The following SOX6 variants were observed in gnomAD, a reference collection of about 807,000 sequenced individuals.
SOX6 encodes the protein transcription factor SOX-6.
Under a neutral mutation model 97.8 loss-of-function variants are expected in SOX6, and 11 were observed. The observed-to-expected ratio is 0.11, with a 90% CI of 0.07 to 0.19. SOX6 has a LOEUF of 0.19. Ranked by LOEUF, SOX6 falls within the 10% of genes least tolerant of loss-of-function variation. The probability of loss-of-function intolerance (pLI) is 1.00; values close to 1 mark genes in which losing one functional copy is unlikely to be tolerated. For synonymous variants in SOX6, 360 were observed against 371.4 expected (o/e 0.97, Z 0.35); for missense variants, 810 against 1,039.5 (o/e 0.78, Z 3.04).
chr11:16,191,451 T>C (rs1300036712), intron 4 of SOX6, among the ~76,000 whole-genome samples: 2 of 152,022 alleles, frequency 1.3e-5, no homozygotes, highest in Non-Finnish European at 1.5e-5. Context: ...GAAGAGACTA[T>C]CTCTCAAAAA....
chr11:16,515,869 G>T (rs1362122441), intron 4 of SOX6, among the ~76,000 whole-genome samples: 11 of 116,928 alleles, frequency 9.4e-5, no homozygotes, highest in Non-Finnish European at 1.8e-4. Context: ...GATATGCGGC[G>T]TTATTTCTGA....
chr11:16,473,896 C>A (rs138996066), intron 1 of SOX6, among the ~76,000 whole-genome samples: 1 of 152,292 alleles, frequency 6.6e-6, no homozygotes, highest in Admixed American at 6.5e-5. Context: ...TAGCATTTTA[C>A]CCACAGCAGA....
intron 4 of SOX6, among the ~76,000 whole-genome samples, chr11:16,493,639 T>C (rs1307039346): frequency 6.6e-6 from 1 of 152,196 alleles, no homozygotes; most frequent in Non-Finnish European, 1.5e-5. Context: ...TTGGGTATTA[T>C]ATTCTATAAT....
chr11:16,459,054 A>C (rs2133104194), intron 1 of SOX6, among the ~76,000 whole-genome samples: 1 of 152,180 alleles, frequency 6.6e-6, no homozygotes, highest in Non-Finnish European at 1.5e-5. Flanking sequence ...ATATGAAGAA[A>C]CTAACCAAGG....
At chr11:16,554,025 G>C (rs143342702) in intron 4 of SOX6, among the ~76,000 whole-genome samples, 1 of 152,168 alleles carries the variant, frequency 6.6e-6, no homozygotes, top group African/African-American at 2.4e-5. Flanking sequence ...GGGGTACTCA[G>C]TCCATTCAAA....
intron 4 of SOX6, among the ~76,000 whole-genome samples, chr11:16,228,457 G>C (rs1413577075): frequency 6.6e-6 from 1 of 152,102 alleles, no homozygotes; most frequent in Admixed American, 6.6e-5. Context: ...AGGGAGTTAA[G>C]GAGAGATTTT....
At chr11:16,384,682 G>A (rs1028573548) in intron 1 of SOX6, among the ~76,000 whole-genome samples, 1 of 151,926 alleles carries the variant, frequency 6.6e-6, no homozygotes, top group African/African-American at 2.4e-5. Flanking sequence ...TAAGGGAAAT[G>A]CACCTTTTTA....
At chr11:16,263,472 T>C (rs1177378619) in intron 3 of SOX6, among the ~76,000 whole-genome samples, 2 of 152,022 alleles carry the variant, frequency 1.3e-5, no homozygotes, top group Non-Finnish European at 2.9e-5. Context: ...AGCCATTGAA[T>C]AGAATCCTTG....
At chr11:16,142,816 A>G (rs1173785456) in intron 6 of SOX6, among the ~76,000 whole-genome samples, 1 of 152,194 alleles carries the variant, frequency 6.6e-6, no homozygotes, top group African/African-American at 2.4e-5. Flanking sequence ...GAATAAAAAG[A>G]AATGAACAAA....
intron 15 of SOX6, among the ~76,000 whole-genome samples, chr11:15,975,460 T>G (rs1853446977): frequency 6.6e-6 from 1 of 152,204 alleles, no homozygotes; most frequent in African/African-American, 2.4e-5. Context: ...TAATACAAAC[T>G]CTGCATAAAA....
At chr11:16,153,164 C>A (rs1850503333) in intron 6 of SOX6, among the ~76,000 whole-genome samples, 1 of 152,052 alleles carries the variant, frequency 6.6e-6, no homozygotes, top group South Asian at 2.1e-4. Context: ...CATGCCCAGA[C>A]AATTTTTTGT....
At chr11:16,454,845 T>C (rs1859785215) in intron 1 of SOX6, among the ~76,000 whole-genome samples, 1 of 152,134 alleles carries the variant, frequency 6.6e-6, no homozygotes, top group Admixed American at 6.6e-5. Context: ...CAATCTGCTA[T>C]TTAAAACATA....
intron 9 of SOX6, among the ~76,000 whole-genome samples, chr11:16,059,880 A>C (rs1285360526): frequency 6.6e-6 from 1 of 151,572 alleles, no homozygotes; most frequent in African/African-American, 2.4e-5. Flanking sequence ...GCTTGGATTA[A>C]GGCAGTGAAA....
chr11:16,725,210 C>T (rs1320187662), intron 2 of SOX6, among the ~76,000 whole-genome samples: 1 of 152,170 alleles, frequency 6.6e-6, no homozygotes, highest in Admixed American at 6.6e-5. Flanking sequence ...ATACATTCAA[C>T]AATATAAGTG....
At chr11:16,648,797 G>C (rs970854562) in intron 3 of SOX6, among the ~76,000 whole-genome samples, 1 of 152,146 alleles carries the variant, frequency 6.6e-6, no homozygotes, top group Non-Finnish European at 1.5e-5. Flanking sequence ...AAAGAATTCA[G>C]AAGGTTGATT....
intron 11 of SOX6, 43 bp downstream of exon 11, chr11:16,049,712 C>G: frequency 6.2e-7 from 1 of 1,610,150 alleles, no homozygotes; most frequent in African/African-American, 1.3e-5. Context: ...CTTTCTTTTA[C>G]CTAATTCGTA....
chr11:16,492,285 C>A (rs963115996), intron 4 of SOX6, among the ~76,000 whole-genome samples: 1 of 152,120 alleles, frequency 6.6e-6, no homozygotes, highest in Non-Finnish European at 1.5e-5. Context: ...TTCCCTGGAC[C>A]AGTTCTGATT....
chr11:16,242,967 T>C (rs904847006), intron 3 of SOX6, among the ~76,000 whole-genome samples: 3 of 151,882 alleles, frequency 2.0e-5, no homozygotes, highest in African/African-American at 7.3e-5. Flanking sequence ...AGCATGCCTA[T>C]CTCCACTGTA....
At chr11:16,202,695 T>C (rs571981813) in intron 4 of SOX6, among the ~76,000 whole-genome samples, 15 of 152,212 alleles carry the variant, frequency 9.9e-5, no homozygotes, top group African/African-American at 2.6e-4. Flanking sequence ...GTTCTAAAAT[T>C]TTCAAGCTTA....
Sources: allele counts gnomAD v4.1 joint callset (sites outside exome capture counted in the v4.1 genomes callset), GRCh38; gene constraint gnomAD v4.1.1; transcripts MANE v1.5; gene names NCBI Gene and HGNC (gene_info 2026-07-23, HGNC 2026-07-21).